The following CHD6 variants were observed in gnomAD, a reference collection of about 807,000 sequenced individuals.
The protein encoded by CHD6 is ATP-dependent chromatin remodeler CHD6.
CHD6 carries 50 observed loss-of-function variants against 276.9 expected under a neutral mutation model. The observed-to-expected ratio is 0.18, with a 90% CI of 0.14 to 0.23. The LOEUF is 0.23. Ranked by LOEUF, CHD6 falls within the 10% of genes least tolerant of loss-of-function variation. The pLI is 1.00. For synonymous variants in CHD6, 1,173 were observed against 1,229.3 expected, an observed-to-expected ratio of 0.95 and a Z score of 0.96; for missense variants, 2,564 against 3,365.8, an observed-to-expected ratio of 0.76 and a Z score of 5.89.
chr20:41,570,728 T>C (rs533522989), intron 1 of CHD6, among the ~76,000 whole-genome samples: 3 of 152,230 alleles, frequency 2.0e-5, no homozygotes, highest in Non-Finnish European at 2.9e-5. Flanking sequence ...TATCAAGCTC[T>C]GTCCACAAAA....
At chr20:41,539,879 G>A (rs142739893) in intron 2 of CHD6, among the ~76,000 whole-genome samples, 4,686 of 152,198 alleles carry the variant, frequency 0.031, 116 homozygotes, top group Non-Finnish European at 0.046. Context: ...ATTATTATAC[G>A]GAGGTTTAAA....
At chr20:41,444,386 C>G (rs1032889492) in intron 25 of CHD6, among the ~76,000 whole-genome samples, 6 of 152,296 alleles carry the variant, frequency 3.9e-5, no homozygotes, top group African/African-American at 1.4e-4. Context: ...AATAGCCACA[C>G]AGGGCTAGTG....
intron 17 of CHD6, among the ~76,000 whole-genome samples, chr20:41,464,352 T>C (rs1482521369): frequency 6.6e-6 from 1 of 152,214 alleles, no homozygotes; most frequent in Admixed American, 6.5e-5. Flanking sequence ...GATTATATAC[T>C]GTAATACTAA....
chr20:41,567,014 G>A (rs1200206718), intron 1 of CHD6, among the ~76,000 whole-genome samples: 1 of 152,120 alleles, frequency 6.6e-6, no homozygotes, highest in Non-Finnish European at 1.5e-5. Context: ...CCATTATATG[G>A]TGAAGGCCAC....
intron 23 of CHD6, 144 bp downstream of exon 23, chr20:41,450,802 T>G: frequency 1.3e-6 from 1 of 761,742 alleles, no homozygotes; most frequent in Non-Finnish European, 2.2e-6. Flanking sequence ...TGAGCCAGCT[T>G]AGACCACAGA....
At chr20:41,416,094 C>G (rs1226964035) in intron 33 of CHD6, among the ~76,000 whole-genome samples, 1 of 152,176 alleles carries the variant, frequency 6.6e-6, no homozygotes, top group African/African-American at 2.4e-5. Flanking sequence ...AATAATGTAT[C>G]TCAAAACTCA....
chr20:41,443,281 G>A (rs1321741786), intron 25 of CHD6, among the ~76,000 whole-genome samples: 3 of 152,180 alleles, frequency 2.0e-5, no homozygotes, highest in Non-Finnish European at 4.4e-5. Flanking sequence ...TCTCCAATAT[G>A]AGACTAAGAG....
In CHD6 at chr20:41,437,258, T is replaced by G. The variant is rs1206174889; in HGVS notation, c.4068+16A>C. On this transcript the variant is annotated intron_variant, in intron 27 of 36. Coordinates refer to ENST00000373233, the MANE Select transcript of CHD6 (RefSeq NM_032221.5). Reference sequence around the variant, plus strand: ...GAAAGACGGTGTAAATGACCAATACTGCACATTTGACTCACCGTTTGTTTC... The same window carrying G: ...GAAAGACGGTGTAAATGACCAATACGGCACATTTGACTCACCGTTTGTTTC... 6 of 1,600,662 alleles carry G rather than the reference T, an allele frequency of 3.7e-6. No homozygotes were observed. The highest frequency in any genetic ancestry group is 1.7e-4 in the Middle Eastern group (1 of 6,056).
chr20:41,610,173 G>T (rs1022416471), intron 1 of CHD6, among the ~76,000 whole-genome samples: 2 of 152,028 alleles, frequency 1.3e-5, no homozygotes, highest in African/African-American at 4.8e-5. Flanking sequence ...TATTTCTACA[G>T]TAATTTCCTC....
At chr20:41,616,229 GAAT>G (rs2045933526) in intron 1 of CHD6, among the ~76,000 whole-genome samples, 1 of 151,924 alleles carries the variant, frequency 6.6e-6, no homozygotes, top group Non-Finnish European at 1.5e-5. Context: ...CCAACTACAT[GAAT>G]AATAAATTAT....
chr20:41,538,793 C>T (rs1199342789), intron 2 of CHD6, among the ~76,000 whole-genome samples: 1 of 152,164 alleles, frequency 6.6e-6, no homozygotes, highest in Non-Finnish European at 1.5e-5. Context: ...CCTCAACATC[C>T]ATTTTGGATG....
At chr20:41,486,917 A>G (rs924842569) in intron 14 of CHD6, among the ~76,000 whole-genome samples, 5 of 151,938 alleles carry the variant, frequency 3.3e-5, no homozygotes, top group Non-Finnish European at 7.4e-5. Context: ...CCATCCCTCA[A>G]GATGCATTTT....
rs990316108 is a variant in CHD6 at position 41,453,067 on chromosome 20, G to T, written c.3121-125C>A. 1.7e-5 allele frequency: 12 copies of T among 712,496 alleles called. No homozygotes were observed. The East Asian group carries it at 2.7e-4, about 16-fold the overall frequency. 44.1% of individuals were successfully genotyped at this position (712,496 alleles called of 1,614,324 possible). A position where few individuals can be genotyped will look rare whatever the true frequency, so the allele number is the denominator to read the frequency against. ...CCCCGTCTCATCCTCCAGCACGAAG[G>T]GCTATTCCCAGCACACCTGCTGTCT... On this transcript the variant is annotated intron_variant, in intron 20 of 36. Coordinates refer to ENST00000373233, the MANE Select transcript of CHD6 (RefSeq NM_032221.5).
chr20:41,545,951 T>C (rs2045032176), intron 2 of CHD6, among the ~76,000 whole-genome samples: 1 of 152,102 alleles, frequency 6.6e-6, no homozygotes, highest in African/African-American at 2.4e-5. Context: ...TTGGCCCCCA[T>C]ACTCTCCAAT....
chr20:41,496,208 C>T (rs2043682016), intron 8 of CHD6, among the ~76,000 whole-genome samples: 1 of 152,244 alleles, frequency 6.6e-6, no homozygotes, highest in Non-Finnish European at 1.5e-5. Context: ...GTTAATTGAA[C>T]TGGCAATATG....
intron 5 of CHD6, among the ~76,000 whole-genome samples, chr20:41,508,231 T>C (rs998448282): frequency 3.3e-5 from 5 of 152,104 alleles, no homozygotes; most frequent in African/African-American, 9.7e-5. Context: ...GATGCATATT[T>C]AGAATGCTAA....
chr20:41,586,098 A>C (rs1326741389), intron 1 of CHD6, among the ~76,000 whole-genome samples: 1 of 152,206 alleles, frequency 6.6e-6, no homozygotes, highest in Non-Finnish European at 1.5e-5. Context: ...TGGGATATAA[A>C]CCCAGGCATT....
intron 1 of CHD6, among the ~76,000 whole-genome samples, chr20:41,569,053 T>C (rs937970697): frequency 4.6e-5 from 7 of 152,116 alleles, no homozygotes; most frequent in Non-Finnish European, 8.8e-5. Flanking sequence ...ACAAAACTAG[T>C]CTGTTGGGGA....
At chr20:41,605,867 A>C (rs1394959206) in intron 1 of CHD6, among the ~76,000 whole-genome samples, 1 of 152,248 alleles carries the variant, frequency 6.6e-6, no homozygotes, top group East Asian at 1.9e-4. Flanking sequence ...TCAAGTATGA[A>C]TACTTGACCA....
Sources: gnomAD v4.1 joint callset for allele counts (sites outside exome capture counted in the v4.1 genomes callset) on GRCh38, gnomAD v4.1.1 for gene constraint, MANE v1.5 for transcripts, NCBI Gene and HGNC (gene_info 2026-07-23, HGNC 2026-07-21) for gene names.